CALN1: variants seen among roughly 807,000 people sequenced by gnomAD.
CALN1 encodes calneuron 1.
Under a neutral mutation model 30.6 loss-of-function variants are expected in CALN1, and 17 were observed. That is an observed-to-expected ratio of 0.56 (90% CI 0.38 to 0.83). The LOEUF is 0.83. Among genes scored for constraint, CALN1 ranks in the 40% least tolerant of loss-of-function variants. The probability of loss-of-function intolerance (pLI) is 0.00; values close to 1 mark genes in which losing one functional copy is unlikely to be tolerated. For synonymous variants in CALN1, 156 were observed against 131.4 expected (o/e 1.19, Z -1.28); for missense variants, 291 against 354.9 (o/e 0.82, Z 1.45).
chr7:72,175,629 C>T (rs1562691468), intron 3 of CALN1, among the ~76,000 whole-genome samples: 2 of 152,140 alleles, frequency 1.3e-5, no homozygotes, highest in Non-Finnish European at 2.9e-5. Context: ...CTGGCTGCCA[C>T]GCTGGAGAGG....
chr7:72,349,897 CT>C (rs1802833952), intron 2 of CALN1, among the ~76,000 whole-genome samples: 1 of 152,086 alleles, frequency 6.6e-6, no homozygotes, highest in Non-Finnish European at 1.5e-5. Flanking sequence ...TGTCTGTTTA[CT>C]TTGTTAGTTT....
intron 3 of CALN1, among the ~76,000 whole-genome samples, chr7:72,124,598 G>C (rs1808611427): frequency 6.6e-6 from 1 of 152,000 alleles, no homozygotes; most frequent in Admixed American, 6.6e-5. Flanking sequence ...GCTGCAGTGA[G>C]GTATGACCCT....
At chr7:72,076,408 G>C (rs149506077) in intron 4 of CALN1, among the ~76,000 whole-genome samples, 5 of 151,456 alleles carry the variant, frequency 3.3e-5, no homozygotes, top group African/African-American at 1.2e-4. Context: ...AGACCAGCCT[G>C]ACCAACATGG....
intron 3 of CALN1, among the ~76,000 whole-genome samples, chr7:72,183,825 G>A (rs1041061607): frequency 3.3e-5 from 5 of 151,996 alleles, no homozygotes; most frequent in South Asian, 2.1e-4. Context: ...CCAGGATGCC[G>A]TCCTTAGCAT....
intron 5 of CALN1, among the ~76,000 whole-genome samples, chr7:71,922,524 C>G (rs1006946132): frequency 1.5e-5 from 2 of 137,616 alleles, no homozygotes; most frequent in Admixed American, 7.7e-5. Context: ...ATATAACACA[C>G]AGAATATATT....
chr7:72,364,781 G>A (rs2944803), intron 2 of CALN1, among the ~76,000 whole-genome samples: 54,368 of 152,044 alleles, frequency 0.36, 10,577 homozygotes, highest in Middle Eastern at 0.53. Flanking sequence ...ATCACACTGT[G>A]CCCCATAAAT....
chr7:72,483,553 G>A, the CALN1 span, among the ~76,000 whole-genome samples: 1 of 152,098 alleles, frequency 6.6e-6, no homozygotes, highest in Non-Finnish European at 1.5e-5. Flanking sequence ...CCCAAGTGCT[G>A]GGATTACAGG....
chr7:72,462,169 TG>T, the CALN1 span, among the ~76,000 whole-genome samples: 1 of 151,900 alleles, frequency 6.6e-6, no homozygotes, highest in Non-Finnish European at 1.5e-5. Context: ...TATGTATGTA[TG>T]TATGTATGTA....
intron 3 of CALN1, among the ~76,000 whole-genome samples, chr7:72,201,326 C>A (rs1379046725): frequency 1.3e-5 from 2 of 152,112 alleles, no homozygotes; most frequent in African/African-American, 4.8e-5. Flanking sequence ...CGGTGGCTCA[C>A]GTCTGTAATC....
chr7:71,909,288 C>A (rs1794304766), intron 5 of CALN1, among the ~76,000 whole-genome samples: 1 of 152,156 alleles, frequency 6.6e-6, no homozygotes, highest in Non-Finnish European at 1.5e-5. Flanking sequence ...TGTGCCCAGC[C>A]TGTATGATGT....
chr7:72,189,728 A>C (rs1790467148), intron 3 of CALN1, among the ~76,000 whole-genome samples: 1 of 150,218 alleles, frequency 6.7e-6, no homozygotes, highest in African/African-American at 2.4e-5. Flanking sequence ...AGATCCTGCC[A>C]CTGCACTCTA....
chr7:72,320,969 T>A (rs1303315805), intron 2 of CALN1, among the ~76,000 whole-genome samples: 5 of 152,104 alleles, frequency 3.3e-5, no homozygotes, highest in Non-Finnish European at 7.4e-5. Context: ...TTAACTTCTC[T>A]GGGGTTAGGT....
chr7:72,099,334 T>C (rs1012526206), intron 4 of CALN1, among the ~76,000 whole-genome samples: 3 of 148,970 alleles, frequency 2.0e-5, no homozygotes, highest in Middle Eastern at 3.3e-3. Flanking sequence ...TACTTTTGCA[T>C]CAACCTAATA....
In CALN1 at chr7:71,812,672, T is replaced by C. The variant is rs545064289; in HGVS notation, c.502-2180A>G. On this transcript the variant is annotated intron_variant, in intron 5 of 6. Coordinates refer to ENST00000395275, the MANE Select transcript of CALN1 (RefSeq NM_031468.4). Reference sequence around the variant, plus strand: ...GCGTTGCAGCATTGAAAGAAGCAATTGTTTCTTTTTTTTCTCGTAATGATC... The same window carrying C: ...GCGTTGCAGCATTGAAAGAAGCAATCGTTTCTTTTTTTTCTCGTAATGATC... Among the ~76,000 whole-genome samples, 5 of 152,230 alleles carry C rather than the reference T, an allele frequency of 3.3e-5. No homozygotes were observed. In the East Asian group the frequency reaches 9.7e-4, roughly 29 times the overall value.
intron 2 of CALN1, among the ~76,000 whole-genome samples, chr7:72,393,257 G>C (rs116766178): frequency 0.01 from 1,593 of 152,232 alleles, 26 homozygotes; most frequent in African/African-American, 0.034. Flanking sequence ...CATGAGGCCA[G>C]ATCAAGACCA....
intron 6 of CALN1, among the ~76,000 whole-genome samples, chr7:71,790,815 G>A (rs1407664836): frequency 1.3e-5 from 2 of 152,202 alleles, no homozygotes; most frequent in African/African-American, 2.4e-5. Flanking sequence ...CCACTCGGGA[G>A]TTTCTGATTC....
intron 5 of CALN1, among the ~76,000 whole-genome samples, chr7:71,844,394 C>G (rs534839754): frequency 6.6e-6 from 1 of 152,270 alleles, no homozygotes; most frequent in South Asian, 2.1e-4. Context: ...GACACTCACC[C>G]TGGAAAAACA....
At chr7:72,088,133 G>A (rs952928844) in intron 4 of CALN1, among the ~76,000 whole-genome samples, 7 of 152,014 alleles carry the variant, frequency 4.6e-5, no homozygotes, top group African/African-American at 1.7e-4. Context: ...GCACCACTGC[G>A]CTCCAGCCTG....
chr7:72,231,005 A>G (rs1008864830), intron 3 of CALN1, among the ~76,000 whole-genome samples: 2 of 152,106 alleles, frequency 1.3e-5, no homozygotes, highest in African/African-American at 4.8e-5. Flanking sequence ...AAACTGCCCC[A>G]CCTGGGGGCA....
Sources: gnomAD v4.1 joint callset for allele counts (sites outside exome capture counted in the v4.1 genomes callset) on GRCh38, gnomAD v4.1.1 for gene constraint, MANE v1.5 for transcripts, NCBI Gene and HGNC (gene_info 2026-07-23, HGNC 2026-07-21) for gene names.